Variants in LRRC37A2 observed in about 807,000 individuals in gnomAD.
LRRC37A2 encodes the protein leucine-rich repeat-containing protein 37A2.
Under a neutral mutation model 68.8 loss-of-function variants are expected in LRRC37A2, and 9 were observed. The ratio of observed to expected loss-of-function variants is 0.13; its 90% CI spans 0.08 to 0.23. The LOEUF (loss-of-function observed/expected upper bound fraction) is 0.23, where lower values mean the gene tolerates loss of function less well. Among genes scored for constraint, LRRC37A2 ranks in the 10% least tolerant of loss-of-function variants. LRRC37A2 has a pLI of 1.00. For synonymous variants in LRRC37A2, 63 were observed against 367.6 expected (o/e 0.17, Z 9.48); for missense variants, 168 against 950.4 (o/e 0.18, Z 10.82).
the LRRC37A2 span, among the ~76,000 whole-genome samples, chr17:46,862,095 G>A: frequency 2.6e-5 from 4 of 151,212 alleles, no homozygotes; most frequent in Middle Eastern, 3.4e-3. Flanking sequence ...CCTGGGAGGC[G>A]GAGTTTGCAG....
At chr17:46,980,359 T>TCTCCTTCCTTCCTTCC in the LRRC37A2 span, among the ~76,000 whole-genome samples, 9 of 150,528 alleles carry the variant, frequency 6.0e-5, no homozygotes, top group East Asian at 7.8e-4. Flanking sequence ...TTCCTTCTTC[T>TCTCCTTCCTTCCTTCC]TTCTTTCTCT....
chr17:46,708,031 C>CAA, the LRRC37A2 span, among the ~76,000 whole-genome samples: 17 of 85,540 alleles, frequency 2.0e-4, no homozygotes, highest in African/African-American at 4.5e-4. Flanking sequence ...GACCCTGTCT[C>CAA]AAAAAAAAAA....
the LRRC37A2 span, among the ~76,000 whole-genome samples, chr17:46,999,538 C>T: frequency 1.3e-5 from 2 of 152,056 alleles, no homozygotes; most frequent in Middle Eastern, 6.8e-3. Flanking sequence ...TTTGTAGAGA[C>T]GGGGTCTTGC....
At chr17:46,967,166 C>T in the LRRC37A2 span, among the ~76,000 whole-genome samples, 4 of 152,198 alleles carry the variant, frequency 2.6e-5, no homozygotes, top group Admixed American at 6.5e-5. Flanking sequence ...GGATGCAGAG[C>T]GAGGCATGTG....
chr17:46,883,854 C>T, the LRRC37A2 span, among the ~76,000 whole-genome samples: 1 of 152,188 alleles, frequency 6.6e-6, no homozygotes, highest in Non-Finnish European at 1.5e-5. Context: ...GAGGTTAATG[C>T]CTCTCACGCG....
chr17:46,721,011 G>T, the LRRC37A2 span, among the ~76,000 whole-genome samples: 1 of 152,190 alleles, frequency 6.6e-6, no homozygotes, highest in African/African-American at 2.4e-5. Flanking sequence ...CTCCCCAGTT[G>T]TCTGAAGATC....
chr17:46,467,066 A>G, the LRRC37A2 span, among the ~76,000 whole-genome samples: 13 of 66,818 alleles, frequency 1.9e-4, no homozygotes, highest in Non-Finnish European at 3.1e-5. Context: ...TGTAAGACCT[A>G]AAACCGTAAA....
the LRRC37A2 span, among the ~76,000 whole-genome samples, chr17:46,784,927 C>T: frequency 2.0e-5 from 3 of 152,258 alleles, no homozygotes; most frequent in Non-Finnish European, 2.9e-5. Flanking sequence ...AGGCACCCGC[C>T]ACCATGCCCG....
At chr17:46,772,481 G>A in the LRRC37A2 span, among the ~76,000 whole-genome samples, 1 of 152,210 alleles carries the variant, frequency 6.6e-6, no homozygotes, top group Admixed American at 6.5e-5. Context: ...CCTGGCCCGA[G>A]GAGGGGCACC....
the LRRC37A2 span, among the ~76,000 whole-genome samples, chr17:46,961,920 C>G: frequency 1.2e-4 from 19 of 152,250 alleles, no homozygotes; most frequent in African/African-American, 4.3e-4. Context: ...AGGGGCTGAC[C>G]AATGATTCCA....
chr17:46,755,087 C>A, the LRRC37A2 span, among the ~76,000 whole-genome samples: 5 of 152,258 alleles, frequency 3.3e-5, no homozygotes, highest in Non-Finnish European at 5.9e-5. Flanking sequence ...GGGCTTGGGT[C>A]TTTTGGAACC....
chr17:46,986,146 G>A, the LRRC37A2 span, among the ~76,000 whole-genome samples: 5 of 152,152 alleles, frequency 3.3e-5, no homozygotes, highest in South Asian at 2.1e-4. Flanking sequence ...GCAAGGGGGG[G>A]ATGCGGGATT....
chr17:46,534,805 G>T (rs1598410597), intron 6 of LRRC37A2, among the ~76,000 whole-genome samples: 1 of 147,766 alleles, frequency 6.8e-6, no homozygotes, highest in Non-Finnish European at 1.5e-5. Context: ...TCCCGGAGGG[G>T]GCGGCTGGCC....
At chr17:46,766,203 G>A in the LRRC37A2 span, among the ~76,000 whole-genome samples, 1 of 152,188 alleles carries the variant, frequency 6.6e-6, no homozygotes, top group Non-Finnish European at 1.5e-5. Context: ...GAGGTCAGGA[G>A]TTCAAGACCA....
the LRRC37A2 span, among the ~76,000 whole-genome samples, chr17:46,750,219 G>T: frequency 6.6e-6 from 1 of 152,280 alleles, no homozygotes; most frequent in East Asian, 1.9e-4. Flanking sequence ...TGGGCATGGT[G>T]GTGGGCACCT....
chr17:46,710,331 A>C, the LRRC37A2 span, among the ~76,000 whole-genome samples: 2 of 152,216 alleles, frequency 1.3e-5, no homozygotes, highest in Non-Finnish European at 2.9e-5. Flanking sequence ...AGAAGGGTGC[A>C]ATTTAAGCTC....
At chr17:46,980,787 CACGCCACT>C in the LRRC37A2 span, among the ~76,000 whole-genome samples, 1 of 151,738 alleles carries the variant, frequency 6.6e-6, no homozygotes, top group East Asian at 1.9e-4. Context: ...GAGCCGAGAT[CACGCCACT>C]GCACTCCAGC....
At chr17:46,914,544 G>A in the LRRC37A2 span, among the ~76,000 whole-genome samples, 1 of 151,224 alleles carries the variant, frequency 6.6e-6, no homozygotes, top group Non-Finnish European at 1.5e-5. Context: ...CCAGCTACTC[G>A]GGAGGCTGAG....
At chr17:46,807,348 G>T in the LRRC37A2 span, among the ~76,000 whole-genome samples, 1 of 152,200 alleles carries the variant, frequency 6.6e-6, no homozygotes, top group South Asian at 2.1e-4. Context: ...TGGGTGTGGT[G>T]GCGCATGCCT....
Sources: allele counts gnomAD v4.1 joint callset (sites outside exome capture counted in the v4.1 genomes callset), GRCh38; gene constraint gnomAD v4.1.1; transcripts MANE v1.5; gene names NCBI Gene and HGNC (gene_info 2026-07-23, HGNC 2026-07-21).